SEMA3A: variants seen among roughly 807,000 people sequenced by gnomAD.
The protein encoded by SEMA3A is semaphorin-3A.
SEMA3A carries 29 observed loss-of-function variants against 97.9 expected under a neutral mutation model. The ratio of observed to expected loss-of-function variants is 0.30; its 90% CI spans 0.22 to 0.40. The LOEUF (loss-of-function observed/expected upper bound fraction) is 0.40, where lower values mean the gene tolerates loss of function less well. SEMA3A is among the 10% of genes least tolerant of loss of function. The pLI, the probability that SEMA3A is intolerant of heterozygous loss-of-function variation, is 1.00. For missense variants in SEMA3A, 763 were observed against 951.3 expected, an observed-to-expected ratio of 0.80 and a Z score of 2.60; for synonymous variants, 321 against 323.7, an observed-to-expected ratio of 0.99 and a Z score of 0.09.
chr7:84,321,478 C>G (rs988045425), intron 2 of SEMA3A, among the ~76,000 whole-genome samples: 1 of 152,084 alleles, frequency 6.6e-6, no homozygotes, highest in Non-Finnish European at 1.5e-5. Context: ...ACCAGACTGC[C>G]TGGGTTGATA....
At chr7:84,165,141 G>A (rs1447568887) in intron 1 of SEMA3A, among the ~76,000 whole-genome samples, 3 of 152,106 alleles carry the variant, frequency 2.0e-5, no homozygotes, top group Admixed American at 1.3e-4. Context: ...CTGGGAGTTG[G>A]AGGTTGAGTG....
intron 3 of SEMA3A, among the ~76,000 whole-genome samples, chr7:84,251,939 T>C (rs1424489914): frequency 6.6e-6 from 1 of 152,174 alleles, no homozygotes; most frequent in Admixed American, 6.5e-5. Context: ...AACATATACT[T>C]ATTGAGACTA....
At chr7:84,222,602 A>C (rs1475637385) in intron 3 of SEMA3A, among the ~76,000 whole-genome samples, 1 of 151,942 alleles carries the variant, frequency 6.6e-6, no homozygotes, top group Admixed American at 6.6e-5. Flanking sequence ...TCTAAAGCTT[A>C]ATATTAATTG....
chr7:84,062,451 G>A (rs200597902), intron 4 of SEMA3A, among the ~76,000 whole-genome samples: 5 of 152,104 alleles, frequency 3.3e-5, no homozygotes, highest in Non-Finnish European at 5.9e-5. Flanking sequence ...TCCGGTCTAC[G>A]GCTCCCAGAG....
At chr7:83,998,284 A>G (rs1303175515) in intron 12 of SEMA3A, among the ~76,000 whole-genome samples, 1 of 152,224 alleles carries the variant, frequency 6.6e-6, no homozygotes, top group Non-Finnish European at 1.5e-5. Flanking sequence ...CTCCTAGGAT[A>G]CGAACCTGTA....
At chr7:84,130,093 GT>G (rs1795919979) in intron 2 of SEMA3A, among the ~76,000 whole-genome samples, 1 of 151,806 alleles carries the variant, frequency 6.6e-6, no homozygotes, top group African/African-American at 2.4e-5. Context: ...AACAGTTTGG[GT>G]TTTTTTATTC....
At chr7:84,439,921 T>C in intron 1 of SEMA3A, among the ~76,000 whole-genome samples, 1 of 152,176 alleles carries the variant, frequency 6.6e-6, no homozygotes, top group Admixed American at 6.5e-5. Context: ...AAACCCAGGA[T>C]ATGGAAGATG....
At chr7:84,111,643 A>G (rs757682) in intron 3 of SEMA3A, among the ~76,000 whole-genome samples, 74,233 of 151,980 alleles carry the variant, frequency 0.49, 19,332 homozygotes, top group East Asian at 0.71. Context: ...CCTATTTAAA[A>G]TAAAATGCGA....
At chr7:84,195,020 G>T (rs957780917), upstream of SEMA3A, 1 of 107,458 alleles carries the variant, frequency 9.3e-6, no homozygotes. Context: ...GAGAGAGAGA[G>T]AGAAAGAGAG....
chr7:84,474,326 G>T (rs1193970932), intron 1 of SEMA3A, among the ~76,000 whole-genome samples: 1 of 152,172 alleles, frequency 6.6e-6, no homozygotes, highest in Non-Finnish European at 1.5e-5. Context: ...GCGAATCTGA[G>T]GCTTGTTCCT....
intron 3 of SEMA3A, among the ~76,000 whole-genome samples, chr7:84,273,922 A>G (rs975445625): frequency 3.3e-5 from 5 of 152,010 alleles, no homozygotes; most frequent in Non-Finnish European, 5.9e-5. Context: ...GGGTCATTCA[A>G]ATTTCATAGT....
At chr7:84,301,718 C>T (rs10258884) in intron 3 of SEMA3A, among the ~76,000 whole-genome samples, 12,230 of 152,128 alleles carry the variant, frequency 0.08, 672 homozygotes, top group East Asian at 0.29. Context: ...TGTTCATAAA[C>T]GAATGTGCCT....
chr7:84,299,179 C>T lies in SEMA3A; in HGVS notation c.-83+8028G>A, dbSNP rs534068787. On this transcript the variant is annotated intron_variant, in intron 3 of 3. Transcript: ENST00000424555. ...CAGACAGCCTATTGTGGGGCTTTAC[C>T]TTGTGATCCTGTGAGTCAATTCTTT... Among the ~76,000 whole-genome samples, 7 of 151,680 alleles carry T rather than the reference C, an allele frequency of 4.6e-5. No homozygotes were observed. The South Asian group carries it at 1.5e-3, about 32-fold the overall frequency.
chr7:84,460,780 A>G (rs1183042181), intron 1 of SEMA3A, among the ~76,000 whole-genome samples: 1 of 152,174 alleles, frequency 6.6e-6, no homozygotes, highest in Non-Finnish European at 1.5e-5. Context: ...TCTCTATTCA[A>G]AAACAAGGAA....
chr7:84,374,929 G>A (rs898682727), intron 1 of SEMA3A, among the ~76,000 whole-genome samples: 4 of 152,174 alleles, frequency 2.6e-5, no homozygotes, highest in African/African-American at 4.8e-5. Flanking sequence ...ACTATGACTC[G>A]TTATCTGCAA....
At chr7:84,402,710 T>G (rs1181244277) in intron 1 of SEMA3A, among the ~76,000 whole-genome samples, 1 of 152,296 alleles carries the variant, frequency 6.6e-6, no homozygotes, top group East Asian at 1.9e-4. Context: ...GTGGTGTATA[T>G]ACATGATGGA....
At chr7:84,349,469 G>T (rs1802383343) in intron 2 of SEMA3A, among the ~76,000 whole-genome samples, 1 of 152,140 alleles carries the variant, frequency 6.6e-6, no homozygotes, top group African/African-American at 2.4e-5. Context: ...CAAATAAATT[G>T]AGAAATGATA....
chr7:84,129,452 GT>G (rs1795898284), intron 2 of SEMA3A, among the ~76,000 whole-genome samples: 1 of 152,200 alleles, frequency 6.6e-6, no homozygotes, highest in South Asian at 2.1e-4. Flanking sequence ...TCTAAGCAGT[GT>G]AGTATGGCAA....
At chr7:84,374,839 AG>A (rs1189045992) in intron 1 of SEMA3A, among the ~76,000 whole-genome samples, 2 of 152,116 alleles carry the variant, frequency 1.3e-5, no homozygotes, top group Non-Finnish European at 2.9e-5. Context: ...AGGGAATCAG[AG>A]GCTTAACTGT....
Sources: allele counts gnomAD v4.1 joint callset (sites outside exome capture counted in the v4.1 genomes callset), GRCh38; gene constraint gnomAD v4.1.1; transcripts MANE v1.5; gene names NCBI Gene and HGNC (gene_info 2026-07-23, HGNC 2026-07-21).